Variants in BANP observed in about 807,000 individuals in gnomAD.
The protein encoded by BANP is BTG3 associated nuclear protein.
In BANP, 11 loss-of-function variants were observed where a neutral mutation model predicts 68.1. That is an observed-to-expected ratio of 0.16 (90% CI 0.10 to 0.27). The LOEUF (loss-of-function observed/expected upper bound fraction) is 0.27. Among genes scored for constraint, BANP ranks in the 10% least tolerant of loss-of-function variants. The pLI is 1.00. For synonymous variants in BANP, 329 were observed against 303.2 expected, an observed-to-expected ratio of 1.09 and a Z score of -0.88; for missense variants, 504 against 722.7, an observed-to-expected ratio of 0.70 and a Z score of 3.47.
At chr16:88,058,082 G>A (rs1051890514) in intron 11 of BANP, among the ~76,000 whole-genome samples, 1 of 152,116 alleles carries the variant, frequency 6.6e-6, no homozygotes, top group Non-Finnish European at 1.5e-5. Context: ...CTGAGTGGCT[G>A]TTAAATTCAT....
rs142351393 is a variant in BANP at position 88,020,832 on chromosome 16, T to C, written c.895+2165T>C. Among the ~76,000 whole-genome samples the C allele has an allele frequency of 4.3e-3, 649 of 152,280 alleles. 5 individuals are homozygous for C. The highest frequency in any genetic ancestry group is 0.014 in the African/African-American group (586 of 41,554). On this transcript the variant is annotated intron_variant, in intron 7 of 13. Transcript: ENST00000682872. ...GCTAAGGATTCGGGCTTTCAGGGCA[T>C]TGGCTGCAATTCTTTTATTAATCGA...
intron 1 of BANP, among the ~76,000 whole-genome samples, chr16:87,959,628 T>C (rs2058738063): frequency 6.6e-6 from 1 of 152,176 alleles, no homozygotes; most frequent in Non-Finnish European, 1.5e-5. Context: ...CTGCAGCCCG[T>C]GTGGTTTTGG....
chr16:88,004,046 G>C lies in BANP; in HGVS notation c.363-249G>C. 2.2e-6 allele frequency: 1 copy of C among 450,936 alleles called. No homozygotes were observed. The highest frequency in any genetic ancestry group is 4.6e-5 in the East Asian group (1 of 21,802). 27.9% of individuals were successfully genotyped at this position (450,936 alleles called of 1,614,324 possible). On this transcript the variant is annotated intron_variant, in intron 4 of 13. Coordinates refer to ENST00000682872, the MANE Select transcript of BANP (RefSeq NM_001386991.1). This position sits in a 1 kb window ranked among gnomAD's most constrained non-coding sequence, Gnocchi z 7.0. ...CCTGTGCTATCCAGTTGTGCAGACAGATCACCAACAATTAGGAAAAGTTAC... is the reference window on the plus strand; with the variant it reads ...CCTGTGCTATCCAGTTGTGCAGACACATCACCAACAATTAGGAAAAGTTAC...
chr16:87,964,442 GGCGT>G (rs2059690918), intron 1 of BANP, among the ~76,000 whole-genome samples: 6 of 19,192 alleles, frequency 3.1e-4, no homozygotes, highest in Admixed American at 1.9e-3. Context: ...GCGTCCAGGA[GGCGT>G]GCAGGAGGCG....
At chr16:88,058,697 C>G (rs914667369) in intron 11 of BANP, among the ~76,000 whole-genome samples, 3 of 151,296 alleles carry the variant, frequency 2.0e-5, no homozygotes, top group Admixed American at 1.3e-4. Flanking sequence ...CCTGTGGTAT[C>G]TGAGACCATG....
chr16:88,045,370 C>T (rs1394921710), intron 11 of BANP, among the ~76,000 whole-genome samples: 1 of 152,224 alleles, frequency 6.6e-6, no homozygotes, highest in Non-Finnish European at 1.5e-5. Flanking sequence ...GTTGTCCGTG[C>T]GTGCACTTGA....
At chr16:88,061,233 C>T (rs879845575) in intron 11 of BANP, among the ~76,000 whole-genome samples, 1 of 151,846 alleles carries the variant, frequency 6.6e-6, no homozygotes, top group South Asian at 2.1e-4. Flanking sequence ...TGGGGTCTCC[C>T]GGGGCATCTT....
intron 12 of BANP, among the ~76,000 whole-genome samples, chr16:88,066,890 C>T (rs772631241): frequency 2.0e-5 from 3 of 152,198 alleles, no homozygotes; most frequent in Admixed American, 6.5e-5. Context: ...GAGGCAGTGG[C>T]GCTGTCAGTG....
At chr16:88,023,428 C>G (rs1453810267) in intron 7 of BANP, among the ~76,000 whole-genome samples, 9 of 151,330 alleles carry the variant, frequency 5.9e-5, no homozygotes, top group East Asian at 1.9e-4. Context: ...ATGCTTCCCC[C>G]GGGAGGGAGC....
chr16:88,026,562 G>A (rs985567292), intron 7 of BANP, among the ~76,000 whole-genome samples: 1 of 152,202 alleles, frequency 6.6e-6, no homozygotes, highest in Non-Finnish European at 1.5e-5. Flanking sequence ...TTTGCGAGGG[G>A]AACAGAATAA....
At chr16:88,052,839 CATT>C (rs201540331) in intron 11 of BANP, among the ~76,000 whole-genome samples, 3 of 151,886 alleles carry the variant, frequency 2.0e-5, no homozygotes, top group African/African-American at 7.3e-5. Context: ...TCATCTCCAT[CATT>C]ATCACCAACA....
chr16:88,024,944 T>G (rs551418727), intron 7 of BANP, among the ~76,000 whole-genome samples: 9 of 152,228 alleles, frequency 5.9e-5, no homozygotes, highest in Non-Finnish European at 1.0e-4. Flanking sequence ...ACCTGGGTGT[T>G]TTAGATTTAT....
At chr16:88,001,742 T>C (rs2069412638) in intron 4 of BANP, among the ~76,000 whole-genome samples, 1 of 152,204 alleles carries the variant, frequency 6.6e-6, no homozygotes, top group Non-Finnish European at 1.5e-5. Context: ...AATGAGCTTT[T>C]GGCAGTCGAA....
chr16:88,006,833 T>TTA (rs2071311813), intron 6 of BANP, among the ~76,000 whole-genome samples: 1 of 150,688 alleles, frequency 6.6e-6, no homozygotes, highest in South Asian at 2.1e-4. Flanking sequence ...GTGCCTGTAA[T>TTA]CCCAGCTACT....
chr16:88,007,257 T>A (rs905360660), intron 6 of BANP, among the ~76,000 whole-genome samples: 1 of 152,180 alleles, frequency 6.6e-6, no homozygotes, highest in African/African-American at 2.4e-5. Context: ...GTCTCTTGGA[T>A]CAGTGTCTGG....
chr16:88,024,018 C>T (rs929148272), intron 7 of BANP, among the ~76,000 whole-genome samples: 2 of 151,850 alleles, frequency 1.3e-5, no homozygotes, highest in South Asian at 2.1e-4. Context: ...CCTCAGCAGC[C>T]GGATGCCGAG....
chr16:88,023,127 G>A (rs2076326693), intron 7 of BANP, among the ~76,000 whole-genome samples: 1 of 152,186 alleles, frequency 6.6e-6, no homozygotes, highest in East Asian at 1.9e-4. Flanking sequence ...GTTTGTCTGT[G>A]TATCTTGGGA....
At chr16:88,039,828 T>C (rs80059328) in intron 11 of BANP, among the ~76,000 whole-genome samples, 23,909 of 144,574 alleles carry the variant, frequency 0.17, 2,752 homozygotes, top group South Asian at 0.24. Context: ...TCACTGCTGC[T>C]GCCCCACGTG....
intron 2 of BANP, chr16:87,980,494 G>A (rs1260977205): frequency 1.3e-5 from 2 of 154,674 alleles, no homozygotes; most frequent in African/African-American, 4.8e-5. Context: ...TGTGTGATGG[G>A]GGCAGCTGGT....
Sources: allele counts gnomAD v4.1 joint callset (sites outside exome capture counted in the v4.1 genomes callset), GRCh38; gene constraint gnomAD v4.1.1; non-coding constraint Gnocchi (gnomAD v3.1); transcripts MANE v1.5; gene names NCBI Gene and HGNC (gene_info 2026-07-23, HGNC 2026-07-21).